GAL3ST2: variants seen among roughly 807,000 people sequenced by gnomAD.
GAL3ST2 encodes the protein beta-galactose-3-O-sulfotransferase 2.
A neutral mutation model predicts 12.9 loss-of-function variants in GAL3ST2; 16 were observed. The ratio of observed to expected loss-of-function variants is 1.24; its 90% CI spans 0.84 to 1.88. The LOEUF (loss-of-function observed/expected upper bound fraction) is 1.88. Among genes scored for constraint, GAL3ST2 ranks in the 40% most tolerant of loss-of-function variants. GAL3ST2 has a pLI of 0.00. For synonymous variants in GAL3ST2, 302 were observed against 273.9 expected, an observed-to-expected ratio of 1.10 and a Z score of -1.01; for missense variants, 639 against 571.8, an observed-to-expected ratio of 1.12 and a Z score of -1.20.
intron 2 of GAL3ST2, among the ~76,000 whole-genome samples, chr2:241,799,966 G>C (rs555831339): frequency 5.3e-5 from 8 of 152,356 alleles, no homozygotes; most frequent in Admixed American, 5.2e-4. Flanking sequence ...CTCGGCTTTG[G>C]GGTCCTTCCT....
chr2:241,803,504 A>AACG lies in GAL3ST2; in HGVS notation c.538_540dup (p.Asp180dup), dbSNP rs1245148120. On this transcript the variant is annotated inframe_insertion, in exon 4 of 4. Transcript: ENST00000192314. ...CCTGGCCTCGCCGCGGACGTTCTAC[A>AACG]ACGACAGCCGCCACCTCAGGAACGT... The AACG allele has an allele frequency of 2.5e-6, 4 of 1,611,266 alleles. No homozygotes were observed. The highest frequency in any genetic ancestry group is 1.3e-5 in the African/African-American group (1 of 74,892).
chr2:241,779,232 T>C, intron 1 of GAL3ST2, among the ~76,000 whole-genome samples: 1 of 98,426 alleles, frequency 1.0e-5, no homozygotes, highest in African/African-American at 3.8e-5. Flanking sequence ...TTTTTTTTTT[T>C]TTTTTTTTTT....
chr2:241,795,009 A>G lies in GAL3ST2; in HGVS notation c.30-4056A>G, dbSNP rs1439681219. Among the ~76,000 whole-genome samples the G allele has an allele frequency of 6.6e-6, 1 of 152,142 alleles. No individual in the cohort carries two copies. Among genetic ancestry groups the G allele is most frequent in the Non-Finnish European group, 1.5e-5 (1 of 68,028 alleles). ...GTGCACAATTCGCTGGTTTCTAGTA[A>G]ATTCCCAGTAGTGCAGCCACAGGCT... On this transcript the variant is annotated intron_variant, in intron 1 of 3. Coordinates refer to ENST00000192314, the MANE Select transcript of GAL3ST2 (RefSeq NM_022134.3). This position sits in a 1 kb window ranked among gnomAD's most constrained non-coding sequence, Gnocchi z 4.5.
Position 241,801,085 on chromosome 2 carries a change from G to A in GAL3ST2, c.120-696G>A, listed in dbSNP as rs948856051. On this transcript the variant is annotated intron_variant, in intron 2 of 3. Transcript: ENST00000192314. The surrounding 1 kb of genome is among the most constrained non-coding windows in gnomAD (Gnocchi z 4.4). ...AGGTTTCAAGCCCCGCATGCATTAG[G>A]TATTTGTCCTAATGCTTTCCTTCCC... The A allele has an allele frequency of 2.0e-5, 3 of 152,200 alleles. No individual in the cohort carries two copies. Among genetic ancestry groups the A allele is most frequent in the South Asian group, 4.1e-4 (2 of 4,826 alleles). 9.4% of individuals were successfully genotyped at this position (152,200 alleles called of 1,614,324 possible).
rs1699894909 is a variant in GAL3ST2 at position 241,803,875 on chromosome 2, G to C, written c.906G>C (p.Arg302=). 1.4e-6 allele frequency: 2 copies of C among 1,421,488 alleles called. No homozygotes were observed. Among genetic ancestry groups the C allele is most frequent in the East Asian group, 5.9e-5 (2 of 33,724 alleles). 88.1% of individuals were successfully genotyped at this position (1,421,488 alleles called of 1,614,324 possible). A position where few individuals can be genotyped will look rare whatever the true frequency, so the allele number is the denominator to read the frequency against. ...AQLRAELGPR[R]LRGEVERLRA... is the part of the protein sequence containing the mutation. ...TGCGCGCCGAGCTGGGGCCGCGGCG[G>C]CTGCGCGGGGAGGTGGAGCGGCTGC... is the stretch of plus-strand genomic sequence containing the variant. The change falls in exon 4 of 4, where the codon CGG becomes CGC. Residue 302 remains arginine, a synonymous_variant. Transcript: ENST00000192314.
rs1024534899 is a variant in GAL3ST2 at position 241,788,598 on chromosome 2, A to G, written c.30-10467A>G. On this transcript the variant is annotated intron_variant, in intron 1 of 3. Transcript: ENST00000192314. ...TTTTTCAGCTCCAAAGAGAAAAGGT[A>G]TCTGCTTCTCCCAGCCAAAGGTGCC... is the stretch of plus-strand genomic sequence containing the variant. 4.6e-5 allele frequency among the ~76,000 whole-genome samples: 7 copies of G among 152,340 alleles called. 1 individual carries two copies. The South Asian group carries it at 1.2e-3, about 27-fold the overall frequency.
chr2:241,789,732 C>T lies in GAL3ST2; in HGVS notation c.30-9333C>T, dbSNP rs117319141. Among the ~76,000 whole-genome samples, 379 of 152,098 alleles carry T rather than the reference C, an allele frequency of 2.5e-3. 2 individuals are homozygous for T. The highest frequency in any genetic ancestry group is 0.024 in the East Asian group (124 of 5,156). On this transcript the variant is annotated intron_variant, in intron 1 of 3. Transcript: ENST00000192314. Reference sequence around the variant, plus strand: ...CCCCGTCCCGGGGCATGGTGGTGGGCGCCTGTAATCTCAGCTACCTGGGAG... The same window carrying T: ...CCCCGTCCCGGGGCATGGTGGTGGGTGCCTGTAATCTCAGCTACCTGGGAG...
chr2:241,781,238 G>C (rs1000399859), intron 1 of GAL3ST2, among the ~76,000 whole-genome samples: 9 of 152,136 alleles, frequency 5.9e-5, no homozygotes, highest in African/African-American at 1.9e-4. Flanking sequence ...CAAAGGATCA[G>C]CAATGTTTTA....
chr2:241,794,166 T>C (rs909493692), intron 1 of GAL3ST2, among the ~76,000 whole-genome samples: 2 of 152,134 alleles, frequency 1.3e-5, no homozygotes, highest in African/African-American at 4.8e-5. Context: ...TAGGCTGGTC[T>C]TGAACTCCTT....
At chr2:241,781,590 A>T (rs1482590267) in intron 1 of GAL3ST2, among the ~76,000 whole-genome samples, 1 of 152,056 alleles carries the variant, frequency 6.6e-6, no homozygotes, top group Non-Finnish European at 1.5e-5. Context: ...AAGAATTATA[A>T]ATATTATTGA....
At chr2:241,796,041 G>T (rs937042396) in intron 1 of GAL3ST2, among the ~76,000 whole-genome samples, 1 of 152,238 alleles carries the variant, frequency 6.6e-6, no homozygotes, top group Admixed American at 6.5e-5. Flanking sequence ...CGCGTGTGCC[G>T]TGAGGATGAA....
chr2:241,784,547 G>A (rs747039972), intron 1 of GAL3ST2, among the ~76,000 whole-genome samples: 34 of 152,296 alleles, frequency 2.2e-4, no homozygotes, highest in Middle Eastern at 3.4e-3. Flanking sequence ...AAAATCCAGC[G>A]TATTAAAGAT....
intron 1 of GAL3ST2, among the ~76,000 whole-genome samples, chr2:241,796,935 C>CG (rs897336613): frequency 3.3e-5 from 5 of 152,154 alleles, no homozygotes; most frequent in African/African-American, 1.2e-4. Flanking sequence ...GAGGGGACTG[C>CG]GGGGGGCTTG....
In GAL3ST2 at chr2:241,793,573, G is replaced by A. The variant is rs528810508; in HGVS notation, c.30-5492G>A. 6.5e-4 allele frequency among the ~76,000 whole-genome samples: 96 copies of A among 148,050 alleles called. No individual in the cohort carries two copies. Among genetic ancestry groups the A allele is most frequent in the Middle Eastern group, 3.4e-3 (1 of 292 alleles). On this transcript the variant is annotated intron_variant, in intron 1 of 3. Transcript: ENST00000192314. This position sits in a 1 kb window ranked among gnomAD's most constrained non-coding sequence, Gnocchi z 4.7. ...TATGTATGTATGTGTATATGTGTGC[G>A]TATATGTGTATGTATGTATATGTGT...
chr2:241,789,096 G>A (rs546365115), intron 1 of GAL3ST2, among the ~76,000 whole-genome samples: 5 of 152,286 alleles, frequency 3.3e-5, no homozygotes, highest in East Asian at 1.9e-4. Flanking sequence ...GAGCCCTAAC[G>A]TCGACCCCAA....
In GAL3ST2 at chr2:241,798,933, G is replaced by C. The variant is rs1308963648; in HGVS notation, c.30-132G>C. On this transcript the variant is annotated intron_variant, in intron 1 of 3. Coordinates refer to ENST00000192314, the MANE Select transcript of GAL3ST2 (RefSeq NM_022134.3). ...TGGGCCGGCACCCAGTGGGTTTGAG[G>C]ACAAGACGTTACAGAGGTGAGGGGA... 3 of 726,152 alleles carry C rather than the reference G, an allele frequency of 4.1e-6. No homozygotes were observed. The African/African-American group carries it at 5.2e-5, about 13-fold the overall frequency. 45.0% of individuals were successfully genotyped at this position (726,152 alleles called of 1,614,324 possible).
rs1156705777 is a variant in GAL3ST2 at position 241,785,794 on chromosome 2, G to A, written c.29+8810G>A. On this transcript the variant is annotated intron_variant, in intron 1 of 3. Transcript: ENST00000192314. ...ACAAAAAACTTTTGCTCAAAAAAAG[G>A]ACAAGGTCCTAGGAGAGACAAAAAA... Among the ~76,000 whole-genome samples the A allele has an allele frequency of 4.6e-5, 7 of 152,106 alleles. No homozygotes were observed. The South Asian group carries it at 1.0e-3, about 23-fold the overall frequency.
At position 241,804,059 on chromosome 2, in the gene GAL3ST2, GGC is replaced by G; in HGVS notation, c.1092_1093del (p.Cys366ProfsTer7). ...GCCGGGCCTGGACAACCAGACGCTG[GGC>G]GTGTGCCAGAGGCTTGTGATGCCTG... ...LRPGLDNQTL[G>X]VCQRLVMPEL... On this transcript the variant is annotated frameshift_variant, in exon 4 of 4. Coordinates refer to ENST00000192314, the MANE Select transcript of GAL3ST2 (RefSeq NM_022134.3). LOFTEE classifies it low-confidence loss of function (END_TRUNC). 1 of 1,556,484 alleles carries G rather than the reference GGC, an allele frequency of 6.4e-7. No homozygotes were observed. Among genetic ancestry groups the G allele is most frequent in the East Asian group, 2.5e-5 (1 of 40,304 alleles).
chr2:241,787,015 CAG>C (rs2125191285), intron 1 of GAL3ST2, among the ~76,000 whole-genome samples: 1 of 152,264 alleles, frequency 6.6e-6, no homozygotes, highest in South Asian at 2.1e-4. Flanking sequence ...AGAGGCTCAT[CAG>C]AAACTCAGAG....
Sources: gnomAD v4.1 joint callset for allele counts (sites outside exome capture counted in the v4.1 genomes callset) on GRCh38, gnomAD v4.1.1 for gene constraint, Gnocchi (gnomAD v3.1) non-coding constraint, MANE v1.5 for transcripts, NCBI Gene and HGNC (gene_info 2026-07-23, HGNC 2026-07-21) for gene names.